Variants in PCDHGA2 observed in about 807,000 individuals in gnomAD.
PCDHGA2 encodes protocadherin gamma subfamily A, 2.
A neutral mutation model predicts 59.2 loss-of-function variants in PCDHGA2; 40 were observed. The observed-to-expected ratio is 0.68, with a 90% CI of 0.52 to 0.88. PCDHGA2 has a LOEUF of 0.88. PCDHGA2 is among the 40% of genes least tolerant of loss of function. The pLI is 0.00. For missense variants in PCDHGA2, 1,226 were observed against 1,204.0 expected, an observed-to-expected ratio of 1.02 and a Z score of -0.27; for synonymous variants, 560 against 526.0, an observed-to-expected ratio of 1.06 and a Z score of -0.89.
intron 1 of PCDHGA2, among the ~76,000 whole-genome samples, chr5:141,363,487 A>G (rs1467927286): frequency 6.6e-6 from 1 of 152,248 alleles, no homozygotes; most frequent in African/African-American, 2.4e-5. Context: ...TGCATGGATG[A>G]TGAAATAAAA....
intron 1 of PCDHGA2, chr5:141,344,768 T>C (rs769471310): frequency 6.2e-7 from 1 of 1,613,862 alleles, no homozygotes; most frequent in Non-Finnish European, 8.5e-7. Flanking sequence ...TTACTCAGCC[T>C]GAGTACCGTG....
rs1771007417 is a variant in PCDHGA2, at chr5:141,374,980, A to G, written c.2424+33585A>G. ...TTTTCTGTTTGAATGTTTTGACTGG[A>G]GAAATTTCAACTTCTGCAAATCTAG... On this transcript the variant is annotated intron_variant, in intron 1 of 3. Transcript: ENST00000394576. 3 of 1,613,920 alleles carry G rather than the reference A, an allele frequency of 1.9e-6. No homozygotes were observed. The Admixed American group carries it at 5.0e-5, about 27-fold the overall frequency.
At position 141,491,672 on chromosome 5, in the gene PCDHGA2, G is replaced by A. The variant is rs754836157; in HGVS notation, c.2425-3135G>A. The A allele has an allele frequency of 9.9e-6, 16 of 1,613,494 alleles. No homozygotes were observed. The South Asian group carries it at 1.4e-4, about 14-fold the overall frequency. On this transcript the variant is annotated intron_variant, in intron 1 of 3. Transcript: ENST00000394576. This position sits in a 1 kb window ranked among gnomAD's most constrained non-coding sequence, Gnocchi z 6.9. ...CTGGAGCCTGACGCCATCCGGTCCCGCTCTAATACGCTGCGGGAGCGGAGC... is the reference window on the plus strand; with the variant it reads ...CTGGAGCCTGACGCCATCCGGTCCCACTCTAATACGCTGCGGGAGCGGAGC...
chr5:141,489,942 C>T lies in PCDHGA2; in HGVS notation c.2425-4865C>T. On this transcript the variant is annotated intron_variant, in intron 1 of 3. Transcript: ENST00000394576. The surrounding 1 kb of genome is among the most constrained non-coding windows in gnomAD (Gnocchi z 4.5). ...CCCTTATCTCTGTCATCGTGCTGGA[C>T]ATCAATGATAATGCTCCAACCTTCC... 2 of 1,614,170 alleles carry T rather than the reference C, an allele frequency of 1.2e-6. No homozygotes were observed. The highest frequency in any genetic ancestry group is 1.7e-6 in the Non-Finnish European group (2 of 1,179,984).
chr5:141,431,473 C>T lies in PCDHGA2; in HGVS notation c.2425-63334C>T, dbSNP rs750300971. ...TGATGGTTCTGGATGCGAACGACAA[C>T]GCACCAGCGTTTGCTCAGCCCGAGT... On this transcript the variant is annotated intron_variant, in intron 1 of 3. Coordinates refer to ENST00000394576, the MANE Select transcript of PCDHGA2 (RefSeq NM_018915.4). This position sits in a 1 kb window ranked among gnomAD's most constrained non-coding sequence, Gnocchi z 4.8. 4.3e-6 allele frequency: 7 copies of T among 1,613,832 alleles called. No individual in the cohort carries two copies. The Admixed American group carries it at 1.2e-4, about 27-fold the overall frequency.
chr5:141,409,912 C>A (rs775668669), intron 1 of PCDHGA2: 2 of 1,613,180 alleles, frequency 1.2e-6, no homozygotes, highest in African/African-American at 2.7e-5. Flanking sequence ...TGGGTCCTGA[C>A]GGCTCCGCGT....
intron 3 of PCDHGA2, among the ~76,000 whole-genome samples, chr5:141,506,189 G>A (rs529165145): frequency 3.6e-4 from 55 of 152,262 alleles, no homozygotes; most frequent in African/African-American, 1.1e-3. Flanking sequence ...GGTGGCTCAC[G>A]CCTGTAATCC....
chr5:141,341,262 G>T lies in PCDHGA2; in HGVS notation c.2291G>T (p.Arg764Leu), dbSNP rs771277348. 3.1e-6 allele frequency: 5 copies of T among 1,614,206 alleles called. No homozygotes were observed. In the South Asian group the frequency reaches 5.5e-5, roughly 18 times the overall value. Residue 764 changes from arginine (R) to leucine (L), a missense_variant, in exon 1 of 4, where the codon CGG (arginine) becomes CTG (leucine). By Grantham distance (102) the Arg-to-Leu change is moderately radical. Coordinates refer to ENST00000394576, the MANE Select transcript of PCDHGA2 (RefSeq NM_018915.4). ...GAGGTCTCCCTCACTGCGGACTCGC[G>T]GAAGAGCCACCTGATTTTCCCCCAG... ...SHEVSLTADS[R>L]KSHLIFPQPN...
chr5:141,423,972 T>A (rs1459859824), intron 1 of PCDHGA2: 2 of 1,128,544 alleles, frequency 1.8e-6, no homozygotes, highest in African/African-American at 3.3e-5. Flanking sequence ...CTATTATCAG[T>A]GTATGAGGCT....
At chr5:141,426,933 G>A (rs1294433096) in intron 1 of PCDHGA2, 1 of 456,660 alleles carries the variant, frequency 2.2e-6, no homozygotes, top group Non-Finnish European at 4.4e-6. Context: ...GGACATGGGT[G>A]ACCCAGTCCC....
chr5:141,451,528 G>C (rs1451101169), intron 1 of PCDHGA2, among the ~76,000 whole-genome samples: 8 of 152,210 alleles, frequency 5.3e-5, no homozygotes. Flanking sequence ...AAGTAAAGGA[G>C]AGTGCCAGAG....
At chr5:141,466,556 T>C (rs1398776914) in intron 1 of PCDHGA2, among the ~76,000 whole-genome samples, 1 of 152,222 alleles carries the variant, frequency 6.6e-6, no homozygotes, top group Non-Finnish European at 1.5e-5. Context: ...TGCTGTGGGC[T>C]TCATCTTCAA....
In PCDHGA2 at chr5:141,476,585, G is replaced by C; in HGVS notation, c.2425-18222G>C. 6.2e-7 allele frequency: 1 copy of C among 1,614,214 alleles called. No homozygotes were observed. The highest frequency in any genetic ancestry group is 8.5e-7 in the Non-Finnish European group (1 of 1,180,040). On this transcript the variant is annotated intron_variant, in intron 1 of 3. Coordinates refer to ENST00000394576, the MANE Select transcript of PCDHGA2 (RefSeq NM_018915.4). The surrounding 1 kb of genome is among the most constrained non-coding windows in gnomAD (Gnocchi z 7.6). ...GGCTCCGGGGACGCGCTTTCCGCTC[G>C]AGAGCGCGCACGATCCCGATGTGGG...
At position 141,362,507 on chromosome 5, in the gene PCDHGA2, C is replaced by T. The variant is rs746688845; in HGVS notation, c.2424+21112C>T. ...GACAATGCCTCTTGGGAACAAAATA[C>T]AAATCATGGAGCCGCTGGGGTCCCT... On this transcript the variant is annotated intron_variant, in intron 1 of 3. Transcript: ENST00000394576. 8 of 1,613,994 alleles carry T rather than the reference C, an allele frequency of 5.0e-6. No homozygotes were observed. The highest frequency in any genetic ancestry group is 5.9e-6 in the Non-Finnish European group (7 of 1,179,876).
At chr5:141,469,674 A>G (rs532726373) in intron 1 of PCDHGA2, among the ~76,000 whole-genome samples, 23 of 152,380 alleles carry the variant, frequency 1.5e-4, no homozygotes, top group Non-Finnish European at 2.2e-4. Flanking sequence ...TAATAAAACT[A>G]CATATGCATT....
At chr5:141,382,571 A>G (rs1016420360) in intron 1 of PCDHGA2, among the ~76,000 whole-genome samples, 2 of 152,244 alleles carry the variant, frequency 1.3e-5, no homozygotes, top group Admixed American at 6.5e-5. Flanking sequence ...AAGAAATCTA[A>G]CAGGGAAATT....
intron 1 of PCDHGA2, chr5:141,342,323 C>T (rs1229501493): frequency 6.6e-6 from 1 of 152,162 alleles, no homozygotes; most frequent in Non-Finnish European, 1.5e-5. Flanking sequence ...AATCCCAGTG[C>T]CCCTCTGATC....
chr5:141,414,434 C>A (rs774467993), intron 1 of PCDHGA2: 2 of 1,613,822 alleles, frequency 1.2e-6, no homozygotes, highest in Non-Finnish European at 8.5e-7. Flanking sequence ...GAACAGGTAT[C>A]CTCTTACAAT....
intron 1 of PCDHGA2, chr5:141,365,430 C>G: frequency 6.2e-7 from 1 of 1,613,960 alleles, no homozygotes; most frequent in Middle Eastern, 1.6e-4. Context: ...ACTGTAATCG[C>G]GCTGTTTAGC....
Sources: gnomAD v4.1 joint callset for allele counts (sites outside exome capture counted in the v4.1 genomes callset) on GRCh38, gnomAD v4.1.1 for gene constraint, Gnocchi (gnomAD v3.1) non-coding constraint, MANE v1.5 for transcripts, NCBI Gene and HGNC (gene_info 2026-07-23, HGNC 2026-07-21) for gene names.